Variants in CADPS2 observed in about 807,000 individuals in gnomAD.
The protein encoded by CADPS2 is calcium-dependent secretion activator 2.
Under a neutral mutation model 172.5 loss-of-function variants are expected in CADPS2, and 93 were observed. That is an observed-to-expected ratio of 0.54 (90% CI 0.46 to 0.64). CADPS2 has a LOEUF of 0.64. Ranked by LOEUF, CADPS2 falls within the 30% of genes least tolerant of loss-of-function variation. CADPS2 has a pLI of 0.00. For synonymous variants in CADPS2, 546 were observed against 555.2 expected (o/e 0.98, Z 0.23); for missense variants, 1,420 against 1,565.9 (o/e 0.91, Z 1.57).
At chr7:122,438,211 T>A in intron 17 of CADPS2, 130 bp downstream of exon 17, 3 of 1,177,434 alleles carry the variant, frequency 2.5e-6, no homozygotes, top group Non-Finnish European at 3.6e-6. Flanking sequence ...CCAGCTGAGA[T>A]TTTAATGAGA....
chr7:122,332,595 A>C (rs2035159289), intron 28 of CADPS2, among the ~76,000 whole-genome samples: 1 of 152,180 alleles, frequency 6.6e-6, no homozygotes. Context: ...ATAGGCACCT[A>C]ATAAATGCTT....
chr7:122,389,936 G>A (rs866765735), intron 22 of CADPS2, among the ~76,000 whole-genome samples: 8 of 151,828 alleles, frequency 5.3e-5, no homozygotes, highest in African/African-American at 1.9e-4. Flanking sequence ...ACATTGTTTC[G>A]CTAAATATAT....
At chr7:122,756,416 A>C (rs1160908162) in intron 1 of CADPS2, among the ~76,000 whole-genome samples, 1 of 152,220 alleles carries the variant, frequency 6.6e-6, no homozygotes, top group African/African-American at 2.4e-5. Flanking sequence ...TTATCAAAAG[A>C]AATGTATACA....
At position 122,811,104 on chromosome 7, in the gene CADPS2, T is replaced by C. The variant is rs542974156; in HGVS notation, c.340-74036A>G. On this transcript the variant is annotated intron_variant, in intron 1 of 29. Coordinates refer to ENST00000449022, the MANE Select transcript of CADPS2 (RefSeq NM_017954.11). ...AGCATTTTCTAATAAATAATAGCTA[T>C]TTTTAACTTTGACAAGATAGGCAAA... Among the ~76,000 whole-genome samples, 484 of 152,314 alleles carry C rather than the reference T, an allele frequency of 3.2e-3. 2 individuals are homozygous for C. Among genetic ancestry groups the C allele is most frequent in the South Asian group, 0.028 (136 of 4,832 alleles).
At chr7:122,480,080 T>A in intron 12 of CADPS2, 1 of 470,398 alleles carries the variant, frequency 2.1e-6, no homozygotes, top group Non-Finnish European at 4.4e-6. Flanking sequence ...TGTCCATCAA[T>A]CTGGCAACTC....
chr7:122,426,904 C>A (rs1020507811), intron 17 of CADPS2, among the ~76,000 whole-genome samples: 1 of 152,142 alleles, frequency 6.6e-6, no homozygotes, highest in Non-Finnish European at 1.5e-5. Context: ...AGTAAAAAAA[C>A]AACAAGTACA....
intron 2 of CADPS2, among the ~76,000 whole-genome samples, chr7:122,731,845 T>C (rs1404297062): frequency 6.6e-6 from 1 of 151,766 alleles, no homozygotes; most frequent in Non-Finnish European, 1.5e-5. Context: ...TCTACCATCA[T>C]GTCTGCCAAC....
chr7:122,590,317 C>G (rs2070579566), intron 6 of CADPS2, among the ~76,000 whole-genome samples: 2 of 151,994 alleles, frequency 1.3e-5, no homozygotes, highest in South Asian at 4.1e-4. Context: ...GAAACCAACC[C>G]TCACACATAT....
At chr7:122,549,463 A>G (rs1430537296) in intron 8 of CADPS2, among the ~76,000 whole-genome samples, 6 of 151,986 alleles carry the variant, frequency 3.9e-5, no homozygotes, top group African/African-American at 1.2e-4. Flanking sequence ...AGCCTAATTA[A>G]TACAAAATTT....
At chr7:122,872,715 T>C (rs1335205178) in intron 1 of CADPS2, among the ~76,000 whole-genome samples, 3 of 152,154 alleles carry the variant, frequency 2.0e-5, no homozygotes, top group Admixed American at 2.0e-4. Flanking sequence ...TGGAATGCAT[T>C]TTCCTAAATA....
At chr7:122,445,920 AG>A (rs1490578762) in intron 15 of CADPS2, among the ~76,000 whole-genome samples, 1 of 152,244 alleles carries the variant, frequency 6.6e-6, no homozygotes, top group Non-Finnish European at 1.5e-5. Context: ...TTGCAAATAA[AG>A]ATAGTTTTGC....
chr7:122,726,827 G>A (rs1363073784), intron 2 of CADPS2, among the ~76,000 whole-genome samples: 1 of 148,950 alleles, frequency 6.7e-6, no homozygotes, highest in African/African-American at 2.5e-5. Context: ...TGAATGAGGT[G>A]GATAACTAAC....
intron 3 of CADPS2, among the ~76,000 whole-genome samples, chr7:122,662,888 C>T (rs1402198201): frequency 6.6e-6 from 1 of 152,078 alleles, no homozygotes; most frequent in Non-Finnish European, 1.5e-5. Flanking sequence ...GTGAGAAATA[C>T]CTATTTATTA....
Position 122,886,052 on chromosome 7 carries a change from C to T in CADPS2, c.286G>A (p.Ala96Thr), listed in dbSNP as rs754920818. The T allele has an allele frequency of 1.2e-6, 2 of 1,607,284 alleles. No individual in the cohort carries two copies. Among genetic ancestry groups the T allele is most frequent in the South Asian group, 1.1e-5 (1 of 89,320 alleles). Residue 96 changes from alanine to threonine, a missense_variant, in exon 1 of 30, where the codon GCG becomes ACG. Coordinates refer to ENST00000449022, the MANE Select transcript of CADPS2 (RefSeq NM_017954.11). ...QLYVFVVRCIAYPFNAKQPTD... is the reference protein window; with the variant it reads ...QLYVFVVRCITYPFNAKQPTD... ...GGCTGCTTGGCGTTGAAGGGGTACG[C>T]GATGCACCTCACGACGAAGACGTAG...
At chr7:122,541,198 GA>G (rs1437718015) in intron 8 of CADPS2, among the ~76,000 whole-genome samples, 1 of 149,222 alleles carries the variant, frequency 6.7e-6, no homozygotes, top group African/African-American at 2.5e-5. Flanking sequence ...ATTATGAGAT[GA>G]TTTTTTTTTT....
chr7:122,798,365 C>G (rs929273765), intron 1 of CADPS2, among the ~76,000 whole-genome samples: 1 of 152,196 alleles, frequency 6.6e-6, no homozygotes, highest in African/African-American at 2.4e-5. Context: ...AACTTCACCA[C>G]AGTCTAACTA....
At chr7:122,793,889 C>T (rs931598915) in intron 1 of CADPS2, among the ~76,000 whole-genome samples, 2 of 152,086 alleles carry the variant, frequency 1.3e-5, no homozygotes, top group South Asian at 4.1e-4. Flanking sequence ...ACTTATGAGG[C>T]TTACTTTGCC....
chr7:122,572,229 A>G (rs769632430), intron 7 of CADPS2, among the ~76,000 whole-genome samples: 5 of 152,158 alleles, frequency 3.3e-5, no homozygotes, highest in Non-Finnish European at 5.9e-5. Context: ...CATCCTATGT[A>G]TGTCTAATTC....
chr7:122,424,011 C>A (rs781055962), intron 17 of CADPS2, among the ~76,000 whole-genome samples: 8 of 152,162 alleles, frequency 5.3e-5, no homozygotes, highest in Non-Finnish European at 1.2e-4. Flanking sequence ...ACTTTTTCTG[C>A]AGAATCTGAA....
Sources: allele counts gnomAD v4.1 joint callset (sites outside exome capture counted in the v4.1 genomes callset), GRCh38; gene constraint gnomAD v4.1.1; transcripts MANE v1.5; gene names NCBI Gene and HGNC (gene_info 2026-07-23, HGNC 2026-07-21).